The following CEP131 variants were observed in gnomAD, a reference collection of about 807,000 sequenced individuals.
CEP131 encodes centrosomal protein of 131 kDa.
A neutral mutation model predicts 136.8 loss-of-function variants in CEP131; 99 were observed. The ratio of observed to expected loss-of-function variants is 0.72; its 90% CI spans 0.62 to 0.86. The LOEUF (loss-of-function observed/expected upper bound fraction) is 0.86. Ranked by LOEUF, CEP131 falls within the 40% of genes least tolerant of loss-of-function variation. The pLI, the probability that CEP131 is intolerant of heterozygous loss-of-function variation, is 0.00. For synonymous variants in CEP131, 646 were observed against 612.7 expected, an observed-to-expected ratio of 1.05 and a Z score of -0.80; for missense variants, 1,459 against 1,463.0, an observed-to-expected ratio of 1.00 and a Z score of 0.04.
In CEP131 at chr17:81,194,011, GGCAGCGCTGCGAGGCCC is replaced by G. The variant is rs767355338; in HGVS notation, c.2219_2235del (p.Arg740ProfsTer51). 1.3e-6 allele frequency: 2 copies of G among 1,563,126 alleles called. No individual in the cohort carries two copies. The highest frequency in any genetic ancestry group is 2.7e-5 in the African/African-American group (2 of 73,220). On this transcript the variant is annotated frameshift_variant, in exon 18 of 26. Transcript: ENST00000450824. LOFTEE classifies it high-confidence loss of function. The stretch of plus-strand genomic sequence containing the variant: ...TCCCGCAGCTCCTCGGCCTGGCGCA[GGCAGCGCTGCGAGGCCC>G]GCTCATCCGACTGCAGCAGCTCCGC...
Position 81,219,363 on chromosome 17 carries a change from G to A in CEP131, c.177+517C>T, listed in dbSNP as rs1335527559. On this transcript the variant is annotated intron_variant, in intron 2 of 25. Coordinates refer to ENST00000450824, the MANE Select transcript of CEP131 (RefSeq NM_014984.4). This position sits in a 1 kb window ranked among gnomAD's most constrained non-coding sequence, Gnocchi z 4.0. ...GGCTGGAGTGCAACGGCACGATCTC[G>A]GCTCACCGCAACCTCTGCCTCCTGG... Among the ~76,000 whole-genome samples, 8 of 146,300 alleles carry A rather than the reference G, an allele frequency of 5.5e-5. No homozygotes were observed. The highest frequency in any genetic ancestry group is 1.5e-4 in the African/African-American group (6 of 39,376).
chr17:81,220,552 T>C (rs912294364), intron 1 of CEP131, among the ~76,000 whole-genome samples: 4 of 152,182 alleles, frequency 2.6e-5, no homozygotes, highest in Non-Finnish European at 4.4e-5. Context: ...TGGAGTGCAG[T>C]GGCGCGATCT....
At chr17:81,213,680 A>C (rs1386964427) in intron 2 of CEP131, among the ~76,000 whole-genome samples, 2 of 152,082 alleles carry the variant, frequency 1.3e-5, no homozygotes, top group Non-Finnish European at 2.9e-5. Context: ...CACCCCTTCC[A>C]TGTGGGCTGA....
chr17:81,195,790 G>A, intron 16 of CEP131, 45 bp downstream of exon 16: 1 of 1,541,434 alleles, frequency 6.5e-7, no homozygotes, highest in Non-Finnish European at 8.8e-7. Context: ...AGCCTGGCCT[G>A]TGAGCCGGGC....
At chr17:81,220,895 G>A (rs1421381833) in intron 1 of CEP131, among the ~76,000 whole-genome samples, 1 of 151,890 alleles carries the variant, frequency 6.6e-6, no homozygotes, top group Non-Finnish European at 1.5e-5. Flanking sequence ...GACCAAGGCA[G>A]GCAGATTGCC....
At chr17:81,212,081 G>A (rs965871419) in intron 2 of CEP131, among the ~76,000 whole-genome samples, 6 of 151,994 alleles carry the variant, frequency 3.9e-5, no homozygotes, top group Non-Finnish European at 4.4e-5. Flanking sequence ...TTGAGAGGCC[G>A]AGGTGGGCGG....
chr17:81,218,729 G>A (rs552809507), intron 2 of CEP131, among the ~76,000 whole-genome samples: 101 of 152,318 alleles, frequency 6.6e-4, no homozygotes, highest in African/African-American at 2.2e-3. Flanking sequence ...CTAGCCGTCT[G>A]GCGGGCCACA....
chr17:81,190,112 C>T, intron 24 of CEP131, 137 bp from the exon 25 acceptor site: 1 of 768,308 alleles, frequency 1.3e-6, no homozygotes, highest in Non-Finnish European at 2.0e-6. Context: ...CTGTGGCTGG[C>T]CCAGACAGCT....
In CEP131 at chr17:81,203,628, C is replaced by T; in HGVS notation, c.516-21G>A. ...TGCTCCTGCCAGGCCGGAAGAGAGA[C>T]AGGAATGGTCAGGCCTCTGGAGGGG... is the stretch of plus-strand genomic sequence containing the variant. On this transcript the variant is annotated intron_variant, in intron 5 of 25. Transcript: ENST00000450824. This position sits in a 1 kb window ranked among gnomAD's most constrained non-coding sequence, Gnocchi z 4.6. The T allele has an allele frequency of 6.4e-7, 1 of 1,550,414 alleles. No homozygotes were observed. Among genetic ancestry groups the T allele is most frequent in the Non-Finnish European group, 8.8e-7 (1 of 1,142,476 alleles).
At chr17:81,197,631 C>G in intron 13 of CEP131, 81 bp downstream of exon 13, 1 of 1,495,458 alleles carries the variant, frequency 6.7e-7, no homozygotes, top group Non-Finnish European at 8.9e-7. Context: ...TGGTGAGGGG[C>G]CTCCTCCCCC....
chr17:81,202,538 G>A (rs1241111371), intron 6 of CEP131, 140 bp from the exon 7 acceptor site: 2 of 988,828 alleles, frequency 2.0e-6, no homozygotes, highest in Non-Finnish European at 2.9e-6. Context: ...GGCAGAGGGG[G>A]ACAGCGGCAG....
At chr17:81,195,772 G>C in intron 16 of CEP131, 63 bp downstream of exon 16, 2 of 1,440,658 alleles carry the variant, frequency 1.4e-6, no homozygotes, top group Non-Finnish European at 1.9e-6. Flanking sequence ...TGGGGGCTGT[G>C]CCAGCTGAGC....
intron 21 of CEP131, 21 bp downstream of exon 21, chr17:81,192,297 C>T (rs1281148526): frequency 5.2e-6 from 8 of 1,547,786 alleles, no homozygotes; most frequent in Non-Finnish European, 7.0e-6. Context: ...CCCCTGCCCA[C>T]CTGGGTGCCC....
rs138903273 is a variant in CEP131 at position 81,208,363 on chromosome 17, G to A, written c.272+565C>T. Among the ~76,000 whole-genome samples the A allele has an allele frequency of 5.9e-5, 9 of 152,282 alleles. No homozygotes were observed. In the South Asian group the frequency reaches 1.7e-3, roughly 28 times the overall value. On this transcript the variant is annotated intron_variant, in intron 3 of 25. Coordinates refer to ENST00000450824, the MANE Select transcript of CEP131 (RefSeq NM_014984.4). The surrounding 1 kb of genome is among the most constrained non-coding windows in gnomAD (Gnocchi z 5.6). ...GCTCGCTCGGGGACAATGCCTGGTG[G>A]GAGGTGGTGTCAGGACCTCGCCCAC... is the stretch of plus-strand genomic sequence containing the variant.
Position 81,198,096 on chromosome 17 carries a change from G to T in CEP131, c.1470+19C>A. ...CGTGGGTGGACAGACTGTGCAGGGC[G>T]GGCGCACACCGTGGTCACCTCGCTG... On this transcript the variant is annotated intron_variant, in intron 12 of 25. Coordinates refer to ENST00000450824, the MANE Select transcript of CEP131 (RefSeq NM_014984.4). 1 of 1,543,920 alleles carries T rather than the reference G, an allele frequency of 6.5e-7. No homozygotes were observed. Among genetic ancestry groups the T allele is most frequent in the Non-Finnish European group, 8.7e-7 (1 of 1,144,874 alleles).
At chr17:81,201,036 G>A (rs1567863078) in intron 7 of CEP131, among the ~76,000 whole-genome samples, 2 of 152,056 alleles carry the variant, frequency 1.3e-5, no homozygotes, top group African/African-American at 4.8e-5. Context: ...CTTACAATGG[G>A]CACCTTCTAT....
In CEP131 at chr17:81,215,990, C is replaced by T. The variant is rs1251794688; in HGVS notation, c.177+3890G>A. Among the ~76,000 whole-genome samples, 2 of 152,006 alleles carry T rather than the reference C, an allele frequency of 1.3e-5. No individual in the cohort carries two copies. Among genetic ancestry groups the T allele is most frequent in the Admixed American group, 6.6e-5 (1 of 15,254 alleles). ...CCCGTAATCCCAGCACTTTGGGAGG[C>T]CGAGGTGGGAGGATCGCTTCAGCCC... On this transcript the variant is annotated intron_variant, in intron 2 of 25. Coordinates refer to ENST00000450824, the MANE Select transcript of CEP131 (RefSeq NM_014984.4). The surrounding 1 kb of genome is among the most constrained non-coding windows in gnomAD (Gnocchi z 4.1).
At chr17:81,216,455 C>G (rs965357529) in intron 2 of CEP131, among the ~76,000 whole-genome samples, 9 of 152,166 alleles carry the variant, frequency 5.9e-5, no homozygotes, top group Admixed American at 5.9e-4. Context: ...CACTTGTGTC[C>G]GGGAGGTGGA....
chr17:81,204,513 T>C (rs1159155494), intron 5 of CEP131, among the ~76,000 whole-genome samples: 1 of 152,120 alleles, frequency 6.6e-6, no homozygotes, highest in Non-Finnish European at 1.5e-5. Flanking sequence ...TGCCCCGAAG[T>C]GAAGCCACCA....
Sources: allele counts gnomAD v4.1 joint callset (sites outside exome capture counted in the v4.1 genomes callset), GRCh38; gene constraint gnomAD v4.1.1; non-coding constraint Gnocchi (gnomAD v3.1); transcripts MANE v1.5; gene names NCBI Gene and HGNC (gene_info 2026-07-23, HGNC 2026-07-21).